The following EZH1 variants were observed in gnomAD, a reference collection of about 807,000 sequenced individuals.
The protein encoded by EZH1 is enhancer of zeste 1 polycomb repressive complex 2 subunit.
EZH1 carries 33 observed loss-of-function variants against 100.5 expected under a neutral mutation model. That is an observed-to-expected ratio of 0.33 (90% CI 0.25 to 0.44). The LOEUF is 0.44. Ranked by LOEUF, EZH1 falls within the 20% of genes least tolerant of loss-of-function variation. The probability of loss-of-function intolerance (pLI) is 1.00; values close to 1 mark genes in which losing one functional copy is unlikely to be tolerated. For missense variants in EZH1, 475 were observed against 928.4 expected, an observed-to-expected ratio of 0.51 and a Z score of 6.35; for synonymous variants, 272 against 313.8, an observed-to-expected ratio of 0.87 and a Z score of 1.41.
chr17:42,743,039 C>T (rs1029967083), intron 1 of EZH1, among the ~76,000 whole-genome samples: 2 of 151,646 alleles, frequency 1.3e-5, no homozygotes, highest in Non-Finnish European at 2.9e-5. Context: ...CCAGCTAATT[C>T]TTGTATTTTT....
intron 10 of EZH1, among the ~76,000 whole-genome samples, chr17:42,714,078 T>G (rs533992966): frequency 6.6e-6 from 1 of 151,408 alleles, no homozygotes; most frequent in African/African-American, 2.5e-5. Flanking sequence ...TTTTGAAACT[T>G]CCTCCCAAAT....
In EZH1 at chr17:42,706,188, G is replaced by A; in HGVS notation, c.1661-3C>T. On this transcript the variant is annotated splice_polypyrimidine_tract_variant and splice_region_variant and intron_variant, in intron 15 of 20. Coordinates refer to ENST00000428826, the MANE Select transcript of EZH1 (RefSeq NM_001991.5). This position sits in a 1 kb window ranked among gnomAD's most constrained non-coding sequence, Gnocchi z 4.4. ...ACAGCCAGGGAAACGATTCTGACCT[G>A]GGAAGGGAAGACAGGTAAGTCTTAG... 1 of 1,604,592 alleles carries A rather than the reference G, an allele frequency of 6.2e-7. No homozygotes were observed. Among genetic ancestry groups the A allele is most frequent in the Non-Finnish European group, 8.5e-7 (1 of 1,173,862 alleles).
chr17:42,718,104 T>C lies in EZH1; in HGVS notation c.932-37A>G, dbSNP rs750683239. On this transcript the variant is annotated intron_variant, in intron 9 of 20. Coordinates refer to ENST00000428826, the MANE Select transcript of EZH1 (RefSeq NM_001991.5). The surrounding 1 kb of genome is among the most constrained non-coding windows in gnomAD (Gnocchi z 4.2). Reference sequence around the variant, plus strand: ...AAACTGTCTTGTTGCCAGTGGTCTATCCACTTGACAAGATGGGGAGAAACA... The same window carrying C: ...AAACTGTCTTGTTGCCAGTGGTCTACCCACTTGACAAGATGGGGAGAAACA... The C allele has an allele frequency of 4.5e-6, 7 of 1,555,586 alleles. No homozygotes were observed. Among genetic ancestry groups the C allele is most frequent in the South Asian group, 1.1e-5 (1 of 89,588 alleles).
intron 1 of EZH1, among the ~76,000 whole-genome samples, chr17:42,743,920 CAGTTTCCTAAATTT>C (rs1443366834): frequency 6.6e-6 from 1 of 152,166 alleles, no homozygotes; most frequent in African/African-American, 2.4e-5. Flanking sequence ...CCTTCAATAT[CAGTTTCCTAAATTT>C]AAAAAACATG....
chr17:42,703,159 G>A, intron 19 of EZH1, 198 bp from the exon 20 acceptor site: 1 of 565,916 alleles, frequency 1.8e-6, no homozygotes, highest in Non-Finnish European at 3.1e-6. Flanking sequence ...ATTATTATAA[G>A]TGGGGTTTTT....
chr17:42,726,328 T>C (rs1357103449), intron 4 of EZH1, among the ~76,000 whole-genome samples: 1 of 150,716 alleles, frequency 6.6e-6, no homozygotes. Flanking sequence ...GCCTCCCGAG[T>C]AGCTGGGATT....
chr17:42,735,368 TA>T (rs529591516), intron 1 of EZH1, among the ~76,000 whole-genome samples: 395 of 139,632 alleles, frequency 2.8e-3, no homozygotes, highest in Admixed American at 4.3e-3. Flanking sequence ...ATATCAAAGT[TA>T]AAAAAAAAAA....
At chr17:42,739,727 CA>C (rs551247872) in intron 1 of EZH1, among the ~76,000 whole-genome samples, 1 of 144,314 alleles carries the variant, frequency 6.9e-6, no homozygotes. Context: ...AATTCTGTCT[CA>C]AAAAAAAAAT....
chr17:42,712,282 A>G lies in EZH1; in HGVS notation c.1401+7T>C. 1.9e-6 allele frequency: 3 copies of G among 1,612,794 alleles called. No homozygotes were observed. The highest frequency in any genetic ancestry group is 2.5e-6 in the Non-Finnish European group (3 of 1,179,726). On this transcript the variant is annotated splice_region_variant and intron_variant, in intron 12 of 20. Transcript: ENST00000428826. ...GGCCCATTTGTTCTGCTGCTTCCAG[A>G]TGGTACCTGCTTGCACGTCTTGGTC...
In EZH1 at chr17:42,724,312, T is replaced by A. The variant is rs773344466; in HGVS notation, c.359A>T (p.Asn120Ile). ...AGTGCTTTCAATACATACCATAAAG[T>A]TCTGTTGGAGAGGGGACCAGGAATA... ...IMYSWSPLQQ[N>I]FMVEDETVLC... The change falls in exon 5 of 21, where the codon AAC (asparagine) becomes ATC (isoleucine). Residue 120 changes from asparagine to isoleucine, a missense_variant. Physicochemically the swap from Asn to Ile is moderately radical, Grantham distance 149. Around this residue, in one of 8 missense-constraint regions of EZH1, gnomAD observed 17 missense variants for 68.0 expected, o/e 0.25. Coordinates refer to ENST00000428826, the MANE Select transcript of EZH1 (RefSeq NM_001991.5). 6.2e-7 allele frequency: 1 copy of A among 1,613,796 alleles called. No homozygotes were observed.
chr17:42,740,574 T>C (rs1360877686), intron 1 of EZH1, among the ~76,000 whole-genome samples: 2 of 152,154 alleles, frequency 1.3e-5, no homozygotes, highest in East Asian at 3.9e-4. Context: ...GGCCTTGAAC[T>C]CCTGACTTGA....
In EZH1 at chr17:42,705,459, T is replaced by C. The variant is rs190851391; in HGVS notation, c.1840-276A>G. The C allele has an allele frequency of 2.0e-3, 578 of 296,114 alleles. 4 individuals carry two copies. The highest frequency in any genetic ancestry group is 0.012 in the Middle Eastern group (11 of 922). 18.3% of individuals were successfully genotyped at this position (296,114 alleles called of 1,614,324 possible). A position where few individuals can be genotyped will look rare whatever the true frequency, so the allele number is the denominator to read the frequency against. ...TTCACTGCAATGTGTGAGGTAAACA[T>C]AGACATCACCAAAGGTGCATACACC... On this transcript the variant is annotated intron_variant, in intron 16 of 20. Transcript: ENST00000428826.
At chr17:42,740,326 G>A (rs1409150101) in intron 1 of EZH1, among the ~76,000 whole-genome samples, 3 of 149,634 alleles carry the variant, frequency 2.0e-5, no homozygotes, top group South Asian at 2.1e-4. Flanking sequence ...TGCAACCTCC[G>A]CCTCCCGGGT....
intron 13 of EZH1, chr17:42,709,566 G>A (rs572581483): frequency 3.1e-6 from 1 of 319,960 alleles, no homozygotes; most frequent in East Asian, 5.3e-5. Flanking sequence ...CTTCAGGGTG[G>A]AGCCATGAGG....
In EZH1 at chr17:42,701,855, A is replaced by G. The variant is rs1448576046; in HGVS notation, c.*677T>C. 1 of 152,292 alleles carries G rather than the reference A, an allele frequency of 6.6e-6. No homozygotes were observed. The highest frequency in any genetic ancestry group is 1.5e-5 in the Non-Finnish European group (1 of 68,044). 9.4% of individuals were successfully genotyped at this position (152,292 alleles called of 1,614,324 possible). On this transcript the variant is annotated 3_prime_UTR_variant, in exon 21 of 21. Transcript: ENST00000428826. ...TGGGCCCAAGCTTAGCAGTTTAACT[A>G]CTATCATCTGGCTGGTTCTCCCTCT... is the stretch of plus-strand genomic sequence containing the variant.
In EZH1 at chr17:42,701,295, G is replaced by T. The variant is rs1217738230; in HGVS notation, c.*1237C>A. The stretch of plus-strand genomic sequence containing the variant: ...ACCCCAATCTATAGACCTTTTAAAA[G>T]AAATGGTTAAAGTGCTTTGCTCTGC... On this transcript the variant is annotated 3_prime_UTR_variant, in exon 21 of 21. Transcript: ENST00000428826. 2 of 152,782 alleles carry T rather than the reference G, an allele frequency of 1.3e-5. No homozygotes were observed. Among genetic ancestry groups the T allele is most frequent in the East Asian group, 1.9e-4 (1 of 5,334 alleles). The allele number at this position is 152,782 out of a possible 1,614,324, so 9.5% of individuals were successfully genotyped here.
At chr17:42,729,456 C>T (rs1042039285) in intron 2 of EZH1, among the ~76,000 whole-genome samples, 9 of 151,932 alleles carry the variant, frequency 5.9e-5, no homozygotes, top group Non-Finnish European at 7.4e-5. Context: ...AGTCCAGGCA[C>T]GGTGGCTCAC....
chr17:42,735,275 T>C (rs946973987), intron 1 of EZH1, among the ~76,000 whole-genome samples: 2 of 151,268 alleles, frequency 1.3e-5, no homozygotes, highest in African/African-American at 2.4e-5. Context: ...AAATACAAAA[T>C]TTAGCAGGCC....
intron 1 of EZH1, 141 bp downstream of exon 1, chr17:42,744,870 T>G (rs1288431347): frequency 1.1e-6 from 1 of 900,364 alleles, no homozygotes; most frequent in South Asian, 1.7e-5. Context: ...GGGCGCCTGC[T>G]ACCCCCGGCC....
Sources: allele counts gnomAD v4.1 joint callset (sites outside exome capture counted in the v4.1 genomes callset), GRCh38; gene constraint gnomAD v4.1.1; regional missense constraint gnomAD v4.1.1; non-coding constraint Gnocchi (gnomAD v3.1); transcripts MANE v1.5; gene names NCBI Gene and HGNC (gene_info 2026-07-23, HGNC 2026-07-21).